Variants in NCK2 observed in about 807,000 individuals in gnomAD.
NCK2 encodes cytoplasmic protein NCK2.
Under a neutral mutation model 33.9 loss-of-function variants are expected in NCK2, and 16 were observed. The ratio of observed to expected loss-of-function variants is 0.47; its 90% confidence interval spans 0.32 to 0.72. The LOEUF (loss-of-function observed/expected upper bound fraction) is 0.72, where lower values mean the gene tolerates loss of function less well. NCK2 is among the 30% of genes least tolerant of loss of function. NCK2 has a pLI of 0.03. For synonymous variants in NCK2, 273 were observed against 239.9 expected, an observed-to-expected ratio of 1.14 and a Z score of -1.27; for missense variants, 418 against 537.3, an observed-to-expected ratio of 0.78 and a Z score of 2.19.
intron 2 of NCK2, among the ~76,000 whole-genome samples, chr2:105,821,270 A>AT (rs1238435615): frequency 2.6e-5 from 4 of 152,146 alleles, no homozygotes; most frequent in East Asian, 3.9e-4. Context: ...ATTTAGAAAG[A>AT]TTTTTTACAC....
chr2:105,807,282 G>A (rs1417621935), intron 1 of NCK2, among the ~76,000 whole-genome samples: 2 of 152,216 alleles, frequency 1.3e-5, no homozygotes, highest in African/African-American at 2.4e-5. Flanking sequence ...AGATTCATAG[G>A]TGGTTCTAAA....
Position 105,881,840 on chromosome 2 carries a change from G to T in NCK2, c.739G>T (p.Val247Phe). The change falls in exon 4 of 5, where the codon GTC (valine) becomes TTC (phenylalanine). Residue 247 changes from valine (V) to phenylalanine (F), a missense_variant. Val to Phe is a conservative substitution (Grantham distance 50, BLOSUM62 -1). Transcript: ENST00000233154. ...CKNARGQVGL[V>F]PKNYVVVLSD... ...AAATGCCCGGGGCCAGGTGGGCCTC[G>T]TCCCCAAAAACTACGTGGTGGTCCT... is the stretch of plus-strand genomic sequence containing the variant. 6.3e-7 allele frequency: 1 copy of T among 1,599,182 alleles called. No individual in the cohort carries two copies. Among genetic ancestry groups the T allele is most frequent in the Non-Finnish European group, 8.5e-7 (1 of 1,171,886 alleles).
chr2:105,768,360 G>C (rs1435068182), intron 1 of NCK2, among the ~76,000 whole-genome samples: 1 of 152,158 alleles, frequency 6.6e-6, no homozygotes, highest in Non-Finnish European at 1.5e-5. Context: ...GTTCAGTTCT[G>C]ACACTAGCTT....
chr2:105,869,654 G>T (rs1001767410), intron 3 of NCK2, among the ~76,000 whole-genome samples: 4 of 152,122 alleles, frequency 2.6e-5, no homozygotes, highest in Non-Finnish European at 5.9e-5. Context: ...AACAGCAGGC[G>T]TGCTGAACTT....
intron 1 of NCK2, among the ~76,000 whole-genome samples, chr2:105,793,186 G>C (rs771658118): frequency 1.2e-4 from 19 of 152,188 alleles, no homozygotes; most frequent in Non-Finnish European, 2.2e-4. Context: ...AAGGGATTGG[G>C]CATTAAAAGC....
intron 3 of NCK2, among the ~76,000 whole-genome samples, chr2:105,857,337 C>T (rs559033379): frequency 2.6e-5 from 4 of 152,348 alleles, no homozygotes; most frequent in African/African-American, 4.8e-5. Flanking sequence ...GCACTGGGCC[C>T]GCGCCCGTCC....
At chr2:105,807,734 C>T (rs1228679828) in intron 1 of NCK2, among the ~76,000 whole-genome samples, 12 of 84,290 alleles carry the variant, frequency 1.4e-4, no homozygotes, top group East Asian at 8.2e-4. Flanking sequence ...TCCTTCTTTC[C>T]TTCCTTCCTT....
chr2:105,812,586 G>A (rs1573621666), intron 1 of NCK2, among the ~76,000 whole-genome samples: 2 of 152,292 alleles, frequency 1.3e-5, no homozygotes. Flanking sequence ...AGGGAGGGAG[G>A]AGGGAAGGGT....
chr2:105,748,683 A>G (rs922901289), intron 1 of NCK2, among the ~76,000 whole-genome samples: 2 of 152,060 alleles, frequency 1.3e-5, no homozygotes, highest in African/African-American at 4.8e-5. Context: ...CTCCAAAAGT[A>G]CTGGGATTAC....
intron 1 of NCK2, among the ~76,000 whole-genome samples, chr2:105,813,447 C>T (rs1297360386): frequency 6.6e-6 from 1 of 152,238 alleles, no homozygotes; most frequent in Admixed American, 6.5e-5. Context: ...AGGCTCATAA[C>T]TCCCTTCTTA....
intron 2 of NCK2, among the ~76,000 whole-genome samples, chr2:105,827,897 TTATAG>T (rs1676014411): frequency 6.6e-6 from 1 of 152,084 alleles, no homozygotes; most frequent in Non-Finnish European, 1.5e-5. Context: ...GGCATGGTGG[TTATAG>T]GAGTTTACAC....
intron 2 of NCK2, among the ~76,000 whole-genome samples, chr2:105,818,976 C>T (rs547264496): frequency 6.6e-6 from 1 of 152,228 alleles, no homozygotes; most frequent in South Asian, 2.1e-4. Flanking sequence ...GATTAATATG[C>T]AATAAGGATA....
rs1679074959 is a variant in NCK2, at chr2:105,893,289, CTCTT to C, written c.*115_*118del. On this transcript the variant is annotated 3_prime_UTR_variant, in exon 5 of 5. Coordinates refer to ENST00000233154, the MANE Select transcript of NCK2 (RefSeq NM_003581.5). ...GCCCCGACGGCTTCTCTGCGAGTCTCTCTTTATGTTCAGGTCGCTTGGTCGGTTC... is the reference window on the plus strand; with the variant it reads ...GCCCCGACGGCTTCTCTGCGAGTCTCTATGTTCAGGTCGCTTGGTCGGTTC... 2.8e-6 allele frequency: 3 copies of C among 1,068,244 alleles called. No individual in the cohort carries two copies. Among genetic ancestry groups the C allele is most frequent in the South Asian group, 1.6e-5 (1 of 62,018 alleles). The allele number at this position is 1,068,244 out of a possible 1,614,324, so 66.2% of individuals were successfully genotyped here. A position where few individuals can be genotyped will look rare whatever the true frequency, so the allele number is the denominator to read the frequency against.
At chr2:105,787,860 A>G (rs761578398) in intron 1 of NCK2, among the ~76,000 whole-genome samples, 3 of 152,236 alleles carry the variant, frequency 2.0e-5, no homozygotes, top group Non-Finnish European at 4.4e-5. Context: ...CATCCATGTT[A>G]TAAGATGATC....
intron 3 of NCK2, 114 bp from the exon 4 acceptor site, chr2:105,881,214 G>A (rs1678462736): frequency 2.9e-6 from 4 of 1,403,120 alleles, no homozygotes; most frequent in Non-Finnish European, 3.8e-6. Flanking sequence ...CACTGTCCAT[G>A]TGTCGTCCCC....
intron 1 of NCK2, among the ~76,000 whole-genome samples, chr2:105,753,646 T>A (rs1689521650): frequency 6.6e-6 from 1 of 152,214 alleles, no homozygotes; most frequent in Admixed American, 6.5e-5. Context: ...GTCTTCTCAC[T>A]CTTCCAAGTG....
intron 1 of NCK2, among the ~76,000 whole-genome samples, chr2:105,794,073 G>T (rs1690989819): frequency 7.3e-6 from 1 of 137,466 alleles, no homozygotes; most frequent in Non-Finnish European, 1.5e-5. Flanking sequence ...TTTGGAGACG[G>T]AATCTTGCTC....
At chr2:105,852,928 C>T (rs1472289866) in intron 2 of NCK2, among the ~76,000 whole-genome samples, 1 of 152,078 alleles carries the variant, frequency 6.6e-6, no homozygotes, top group Non-Finnish European at 1.5e-5. Context: ...AGGCTTTCCT[C>T]CTTCCCAAAA....
At chr2:105,795,534 T>G (rs1471063805) in intron 1 of NCK2, among the ~76,000 whole-genome samples, 1 of 152,240 alleles carries the variant, frequency 6.6e-6, no homozygotes, top group Non-Finnish European at 1.5e-5. Flanking sequence ...TCCTGTCTTA[T>G]TTTTGCTTTA....
Sources: allele counts gnomAD v4.1 joint callset (sites outside exome capture counted in the v4.1 genomes callset), GRCh38; gene constraint gnomAD v4.1.1; transcripts MANE v1.5; gene names NCBI Gene and HGNC (gene_info 2026-07-23, HGNC 2026-07-21).